PYGO1: variants seen among roughly 807,000 people sequenced by gnomAD.
The protein encoded by PYGO1 is pygopus family PHD finger 1, also known as pygopus homolog 1.
PYGO1 carries 6 observed loss-of-function variants against 29.5 expected under a neutral mutation model. That is an observed-to-expected ratio of 0.20 (90% CI 0.11 to 0.40). The LOEUF (loss-of-function observed/expected upper bound fraction) is 0.40, where lower values mean the gene tolerates loss of function less well. Ranked by LOEUF, PYGO1 falls within the 10% of genes least tolerant of loss-of-function variation. The pLI is 1.00. For missense variants in PYGO1, 515 were observed against 514.9 expected (o/e 1.00, Z 0.00); for synonymous variants, 186 against 180.5 (o/e 1.03, Z -0.24).
At chr15:55,588,462 G>A (rs1450498528), upstream of PYGO1, among the ~76,000 whole-genome samples, 2 of 147,746 alleles carry the variant, frequency 1.4e-5, no homozygotes, top group Non-Finnish European at 3.0e-5. Context: ...GACGGGCTTC[G>A]GGGGGCGGGG....
intron 1 of PYGO1, among the ~76,000 whole-genome samples, chr15:55,587,259 A>G (rs1003188666): frequency 6.6e-6 from 1 of 152,190 alleles, no homozygotes; most frequent in African/African-American, 2.4e-5. Context: ...CATGCATAAC[A>G]CTGATTTTAG....
chr15:55,546,613 G>T lies in PYGO1; in HGVS notation c.670C>A (p.Pro224Thr). The T allele has an allele frequency of 6.2e-7, 1 of 1,613,738 alleles. No homozygotes were observed. The highest frequency in any genetic ancestry group is 1.1e-5 in the South Asian group (1 of 91,046). Residue 224 changes from proline (P) to threonine (T), a missense_variant, in exon 3 of 3, where the codon CCT (proline) becomes ACT (threonine). Coordinates refer to ENST00000563719, the MANE Select transcript of PYGO1 (RefSeq NM_001367806.1). ...SPLESNHSFI[P>T]PPNTFGQAKA... ...GCTTGACCAAAAGTGTTTGGGGGAG[G>T]AATAAAAGAATGATTAGATTCTAAC...
rs1439238642 is a variant in PYGO1, at chr15:55,542,932, A to AAAAAC, written c.*3086_*3090dup. 7.1e-6 allele frequency: 1 copy of AAAAAC among 141,712 alleles called. No individual in the cohort carries two copies. The highest frequency in any genetic ancestry group is 2.5e-5 in the African/African-American group (1 of 39,334). The allele number at this position is 141,712 out of a possible 1,614,324, so 8.8% of individuals were successfully genotyped here. ...CAACAGAGCAAGACTGGCAAAAAAC[A>AAAAAC]AAAACAAAACAAAACAAAACAAAAA... On this transcript the variant is annotated 3_prime_UTR_variant, in exon 3 of 3. Transcript: ENST00000563719.
At chr15:55,584,611 G>C (rs1483014297) in intron 1 of PYGO1, among the ~76,000 whole-genome samples, 1 of 152,156 alleles carries the variant, frequency 6.6e-6, no homozygotes, top group Non-Finnish European at 1.5e-5. Flanking sequence ...GTAGTATGAG[G>C]GGAAATGGAC....
intron 1 of PYGO1, among the ~76,000 whole-genome samples, chr15:55,567,289 C>T (rs2141664839): frequency 8.2e-6 from 1 of 121,674 alleles, no homozygotes; most frequent in East Asian, 2.8e-4. Context: ...CTAACTGCAG[C>T]CTCAAACTCC....
intron 1 of PYGO1, among the ~76,000 whole-genome samples, chr15:55,574,040 C>T (rs2058991093): frequency 6.6e-6 from 1 of 152,174 alleles, no homozygotes; most frequent in Non-Finnish European, 1.5e-5. Flanking sequence ...AACGTCATGG[C>T]TTTTCTGTTT....
intron 1 of PYGO1, among the ~76,000 whole-genome samples, chr15:55,552,580 C>T (rs907024275): frequency 2.0e-5 from 3 of 151,970 alleles, no homozygotes; most frequent in Non-Finnish European, 2.9e-5. Flanking sequence ...AAAAGCCCCA[C>T]CTCCAGCCAA....
chr15:55,583,868 C>T (rs2059035544), intron 1 of PYGO1, among the ~76,000 whole-genome samples: 1 of 152,142 alleles, frequency 6.6e-6, no homozygotes, highest in African/African-American at 2.4e-5. Context: ...TTCTCAAAAT[C>T]ACAAGAGACC....
intron 1 of PYGO1, among the ~76,000 whole-genome samples, chr15:55,577,524 TAAG>T (rs1595993731): frequency 6.6e-6 from 1 of 151,842 alleles, no homozygotes; most frequent in African/African-American, 2.4e-5. Flanking sequence ...TTTAAAAAGT[TAAG>T]AAAAATAAAT....
At chr15:55,581,640 C>T (rs1334770416) in intron 1 of PYGO1, among the ~76,000 whole-genome samples, 1 of 152,154 alleles carries the variant, frequency 6.6e-6, no homozygotes, top group Non-Finnish European at 1.5e-5. Flanking sequence ...TACTACTTAA[C>T]CTCTCTGAAC....
intron 1 of PYGO1, among the ~76,000 whole-genome samples, chr15:55,578,260 GTTA>G (rs1414867241): frequency 3.3e-5 from 5 of 151,564 alleles, no homozygotes; most frequent in Non-Finnish European, 5.9e-5. Flanking sequence ...GGACATTTCG[GTTA>G]TTTCCACTTT....
chr15:55,558,792 T>C (rs1019363741), intron 1 of PYGO1, among the ~76,000 whole-genome samples: 1 of 152,038 alleles, frequency 6.6e-6, no homozygotes, highest in African/African-American at 2.4e-5. Flanking sequence ...TGTAGAAAGC[T>C]GAAACTGGAT....
intron 1 of PYGO1, among the ~76,000 whole-genome samples, chr15:55,575,545 T>C (rs117605144): frequency 1.3e-5 from 2 of 152,298 alleles, no homozygotes; most frequent in East Asian, 1.9e-4. Flanking sequence ...TACTCTCTGC[T>C]TGATCTCTAT....
chr15:55,545,970 A>G lies in PYGO1; in HGVS notation c.*53T>C. 2 of 1,470,962 alleles carry G rather than the reference A, an allele frequency of 1.4e-6. No individual in the cohort carries two copies. Among genetic ancestry groups the G allele is most frequent in the Non-Finnish European group, 9.2e-7 (1 of 1,090,768 alleles). 91.1% of individuals were successfully genotyped at this position (1,470,962 alleles called of 1,614,324 possible). ...TGTAAAACATTAAAATCCTGTGTCA[A>G]TGAACTTCTGCAATGCACAGGAAAA... is the stretch of plus-strand genomic sequence containing the variant. On this transcript the variant is annotated 3_prime_UTR_variant, in exon 3 of 3. Transcript: ENST00000563719.
At chr15:55,554,459 ACT>A (rs2058894098) in intron 1 of PYGO1, among the ~76,000 whole-genome samples, 1 of 136,694 alleles carries the variant, frequency 7.3e-6, no homozygotes, top group African/African-American at 3.0e-5. Flanking sequence ...ACAGAGCAAG[ACT>A]CTGTCTCAAA....
intron 2 of PYGO1, among the ~76,000 whole-genome samples, chr15:55,548,058 C>CA (rs1226565183): frequency 6.6e-6 from 1 of 152,050 alleles, no homozygotes; most frequent in Non-Finnish European, 1.5e-5. Context: ...CTCACGCTGT[C>CA]ACCAAGGCTG....
Position 55,539,868 on chromosome 15 carries a change from T to C in PYGO1, c.*6155A>G, listed in dbSNP as rs1193979933. 2 of 152,040 alleles carry C rather than the reference T, an allele frequency of 1.3e-5. No individual in the cohort carries two copies. Among genetic ancestry groups the C allele is most frequent in the African/African-American group, 4.8e-5 (2 of 41,444 alleles). 9.4% of individuals were successfully genotyped at this position (152,040 alleles called of 1,614,324 possible). A position where few individuals can be genotyped will look rare whatever the true frequency, so the allele number is the denominator to read the frequency against. On this transcript the variant is annotated 3_prime_UTR_variant, in exon 3 of 3. Coordinates refer to ENST00000563719, the MANE Select transcript of PYGO1 (RefSeq NM_001367806.1). ...GTAGACATTTTGTAATATACATCAC[T>C]GACATAGTAAAACCTTATTAAGGAT... is the stretch of plus-strand genomic sequence containing the variant.
intron 1 of PYGO1, among the ~76,000 whole-genome samples, chr15:55,576,416 A>C (rs1200469249): frequency 2.7e-5 from 3 of 110,126 alleles, no homozygotes; most frequent in African/African-American, 3.8e-5. Flanking sequence ...AGATCCCGCC[A>C]CTGCACTCCA....
chr15:55,554,083 A>C (rs2058892227), intron 1 of PYGO1, among the ~76,000 whole-genome samples: 1 of 152,178 alleles, frequency 6.6e-6, no homozygotes, highest in South Asian at 2.1e-4. Flanking sequence ...ATGAGAAAGA[A>C]TCAACACAAA....
Sources: allele counts gnomAD v4.1 joint callset (sites outside exome capture counted in the v4.1 genomes callset), GRCh38; gene constraint gnomAD v4.1.1; transcripts MANE v1.5; gene names NCBI Gene and HGNC (gene_info 2026-07-23, HGNC 2026-07-21).